Variants in UBR4 observed in about 807,000 individuals in gnomAD.
UBR4 encodes the protein ubiquitin protein ligase E3 component n-recognin 4, also known as E3 ubiquitin-protein ligase UBR4.
UBR4 carries 124 observed loss-of-function variants against 575.6 expected under a neutral mutation model. The observed-to-expected ratio is 0.22, with a 90% CI of 0.19 to 0.25. UBR4 has a LOEUF of 0.25. Among genes scored for constraint, UBR4 ranks in the 10% least tolerant of loss-of-function variants. The pLI, the probability that UBR4 is intolerant of heterozygous loss-of-function variation, is 1.00. For synonymous variants in UBR4, 2,455 were observed against 2,473.7 expected, an observed-to-expected ratio of 0.99 and a Z score of 0.22; for missense variants, 4,818 against 6,478.8, an observed-to-expected ratio of 0.74 and a Z score of 8.80.
rs78277961 is a variant in UBR4, at chr1:19,163,486, A to G, written c.4764+278T>C. Among the ~76,000 whole-genome samples the G allele has an allele frequency of 5.5e-3, 840 of 152,352 alleles. 8 individuals carry two copies. Among genetic ancestry groups the G allele is most frequent in the African/African-American group, 0.018 (743 of 41,576 alleles). On this transcript the variant is annotated intron_variant, in intron 34 of 105. Transcript: ENST00000375254. ...GAGCAGGGAGACAGTTTCCCATAAC[A>G]TTCCAATATCTTAGGATGGCAGGAA...
intron 81 of UBR4, among the ~76,000 whole-genome samples, chr1:19,109,838 A>G (rs781365984): frequency 2.0e-5 from 3 of 152,268 alleles, no homozygotes; most frequent in Admixed American, 6.5e-5. Flanking sequence ...GTTATCTAAC[A>G]TGACTGGAAA....
At chr1:19,102,900 A>G (rs2078789903) in intron 87 of UBR4, among the ~76,000 whole-genome samples, 1 of 152,206 alleles carries the variant, frequency 6.6e-6, no homozygotes, top group South Asian at 2.1e-4. Context: ...ATCAAGTGGC[A>G]GGGAAAAATC....
At position 19,095,533 on chromosome 1, in the gene UBR4, C is replaced by G. The variant is rs908281403; in HGVS notation, c.13626+12G>C. 4 of 1,612,858 alleles carry G rather than the reference C, an allele frequency of 2.5e-6. No homozygotes were observed. Among genetic ancestry groups the G allele is most frequent in the Non-Finnish European group, 3.4e-6 (4 of 1,179,436 alleles). ...GGCCCACTCTTCTTCACCTGCAGTC[C>G]ATGCTCCTTACCAGGTTTAGGGTCC... On this transcript the variant is annotated intron_variant, in intron 93 of 105. Coordinates refer to ENST00000375254, the MANE Select transcript of UBR4 (RefSeq NM_020765.3).
At chr1:19,149,324 G>T (rs991431379) in intron 49 of UBR4, among the ~76,000 whole-genome samples, 3 of 152,328 alleles carry the variant, frequency 2.0e-5, no homozygotes, top group African/African-American at 7.2e-5. Flanking sequence ...AGAAAGAAAA[G>T]TATTCAGAAG....
chr1:19,173,004 C>G lies in UBR4; in HGVS notation c.3381G>C (p.Ala1127=), dbSNP rs374365470. Residue 1127 remains alanine, a synonymous_variant, in exon 25 of 106, where the codon GCG becomes GCC. Coordinates refer to ENST00000375254, the MANE Select transcript of UBR4 (RefSeq NM_020765.3). ...CCAAAGAGACCTGGACCTTTGAGAT[C>G]GCGGCATCAAGGGTGTAGATGGACT... ...SLQSIYTLDA[A]ISKVQVSLDE... is the part of the protein sequence containing the mutation. 4 of 1,614,148 alleles carry G rather than the reference C, an allele frequency of 2.5e-6. No homozygotes were observed. Among genetic ancestry groups the G allele is most frequent in the Non-Finnish European group, 3.4e-6 (4 of 1,180,030 alleles).
chr1:19,122,731 C>A, intron 66 of UBR4, 102 bp downstream of exon 66: 1 of 1,302,760 alleles, frequency 7.7e-7, no homozygotes. Flanking sequence ...CCATTGTCAA[C>A]ACAGTTAAAA....
At position 19,115,577 on chromosome 1, in the gene UBR4, C is replaced by G. The variant is rs1472857170; in HGVS notation, c.10884G>C (p.Lys3628Asn). ...VQLTPGQTEV[K>N]IDLPLPIVAS... ...CCACAATGGGCAACGGCAGGTCAAT[C>G]TTCACCTCTGTCTGTCCAGGGGTCA... The change falls in exon 74 of 106, where the codon AAG becomes AAC. Residue 3628 changes from lysine (K) to asparagine (N), a missense_variant. Physicochemically the swap from Lys to Asn is moderately conservative, Grantham distance 94 (BLOSUM62 0). Coordinates refer to ENST00000375254, the MANE Select transcript of UBR4 (RefSeq NM_020765.3). The G allele has an allele frequency of 6.2e-7, 1 of 1,614,168 alleles. No individual in the cohort carries two copies. The highest frequency in any genetic ancestry group is 8.5e-7 in the Non-Finnish European group (1 of 1,180,016).
At chr1:19,082,191 C>T (rs1240475672) in intron 102 of UBR4, 4 of 198,988 alleles carry the variant, frequency 2.0e-5, no homozygotes, top group Admixed American at 5.2e-5. Context: ...TGTCCTCATG[C>T]GTCCTAAGTT....
chr1:19,093,303 G>A lies in UBR4; in HGVS notation c.14111+10C>T, dbSNP rs748389557. 1 of 1,611,764 alleles carries A rather than the reference G, an allele frequency of 6.2e-7. No individual in the cohort carries two copies. Among genetic ancestry groups the A allele is most frequent in the South Asian group, 1.1e-5 (1 of 90,884 alleles). ...AGGCAAAGCAGCCCCGCTGCGGGAG[G>A]GCTTCATACTTCTTGGCGCTAGGGA... On this transcript the variant is annotated intron_variant, in intron 96 of 105. Coordinates refer to ENST00000375254, the MANE Select transcript of UBR4 (RefSeq NM_020765.3). This position sits in a 1 kb window ranked among gnomAD's most constrained non-coding sequence, Gnocchi z 4.8.
chr1:19,174,602 A>G (rs2090017581), intron 21 of UBR4, among the ~76,000 whole-genome samples, 155 bp from the exon 22 acceptor site: 1 of 152,212 alleles, frequency 6.6e-6, no homozygotes, highest in Non-Finnish European at 1.5e-5. Flanking sequence ...CTGGGACATT[A>G]CTCACACTGT....
At chr1:19,207,666 G>C (rs1045254251) in intron 1 of UBR4, among the ~76,000 whole-genome samples, 1 of 151,986 alleles carries the variant, frequency 6.6e-6, no homozygotes, top group Non-Finnish European at 1.5e-5. Flanking sequence ...TTGAAAACCA[G>C]AATAATGATA....
Position 19,174,967 on chromosome 1 carries a change from C to T in UBR4, c.2840G>A (p.Arg947Gln), listed in dbSNP as rs1260417782. ...AATTCCTAGTACCACAGAATCAAGT[C>T]GGTTCAAATCATCCTCTGAGGCTTC... Reference protein sequence around the residue: ...SPEASEDDLNRLDSVACDVLF... With the variant: ...SPEASEDDLNQLDSVACDVLF... Residue 947 changes from arginine to glutamine, a missense_variant, in exon 21 of 106, where the codon CGA (arginine) becomes CAA (glutamine). Arg to Gln is a conservative substitution (Grantham distance 43). Around this residue, in one of 29 missense-constraint regions of UBR4, gnomAD observed 1,172 missense variants for 1,259.7 expected, o/e 0.93. Coordinates refer to ENST00000375254, the MANE Select transcript of UBR4 (RefSeq NM_020765.3). 7 of 1,613,812 alleles carry T rather than the reference C, an allele frequency of 4.3e-6. 1 individual carries two copies. In the East Asian group the frequency reaches 6.7e-5, roughly 15 times the overall value.
chr1:19,197,973 T>C lies in UBR4; in HGVS notation c.725A>G (p.Gln242Arg). Reference sequence around the variant, plus strand: ...AAGCTCTTGAAGACTAGCCACGTTCTGAGCTATGAACACATTCTTGGTTTT... The same window carrying C: ...AAGCTCTTGAAGACTAGCCACGTTCCGAGCTATGAACACATTCTTGGTTTT... ...AIKTKNVFIA[Q>R]NVASLQELGG... The change falls in exon 6 of 106, where the codon CAG (glutamine) becomes CGG (arginine). Residue 242 changes from glutamine (Q) to arginine (R), a missense_variant. Coordinates refer to ENST00000375254, the MANE Select transcript of UBR4 (RefSeq NM_020765.3). 6.2e-7 allele frequency: 1 copy of C among 1,614,218 alleles called. No individual in the cohort carries two copies. Among genetic ancestry groups the C allele is most frequent in the East Asian group, 2.2e-5 (1 of 44,892 alleles).
chr1:19,114,979 G>A (rs2080323599), intron 74 of UBR4, 30 bp from the exon 75 acceptor site: 3 of 1,613,724 alleles, frequency 1.9e-6, no homozygotes, highest in Middle Eastern at 1.6e-4. Flanking sequence ...GGGTCAGTAA[G>A]GTGACAAGGC....
rs761408064 is a variant in UBR4, at chr1:19,210,213, C to T, written c.36G>A (p.Ala12=). ...ATSGGEEAAA[A]APAPGTPATG... ...TTGCCGGGGTCCCCGGCGCCGGAGCCGCTGCCGCCGCCTCTTCGCCGCCGC... is the reference window on the plus strand; with the variant it reads ...TTGCCGGGGTCCCCGGCGCCGGAGCTGCTGCCGCCGCCTCTTCGCCGCCGC... The change falls in exon 1 of 106, where the codon GCG becomes GCA. Residue 12 remains alanine, a synonymous_variant. Transcript: ENST00000375254. 4.8e-6 allele frequency: 7 copies of T among 1,450,644 alleles called. No homozygotes were observed. In the South Asian group the frequency reaches 5.7e-5, roughly 12 times the overall value. The allele number at this position is 1,450,644 out of a possible 1,614,324, so 89.9% of individuals were successfully genotyped here. A position where few individuals can be genotyped will look rare whatever the true frequency, so the allele number is the denominator to read the frequency against.
At position 19,172,878 on chromosome 1, in the gene UBR4, A is replaced by G. The variant is rs138605456; in HGVS notation, c.3507T>C (p.Tyr1169=). ...GTTCGCCACACCTGGTGAACGATGC[A>G]TAGGTGTCAATGAGTTGCAGCGTGG... is the stretch of plus-strand genomic sequence containing the variant. ...LPATLQLIDT[Y]ASFTRAYLLQ... The change falls in exon 25 of 106, where the codon TAT becomes TAC. Residue 1169 remains tyrosine (Y), a synonymous_variant. Transcript: ENST00000375254. The G allele has an allele frequency of 1.2e-6, 2 of 1,614,208 alleles. No homozygotes were observed. The highest frequency in any genetic ancestry group is 1.3e-5 in the African/African-American group (1 of 75,056).
At position 19,097,179 on chromosome 1, in the gene UBR4, G is replaced by C; in HGVS notation, c.13390+14C>G. 6.2e-7 allele frequency: 1 copy of C among 1,606,306 alleles called. No individual in the cohort carries two copies. The highest frequency in any genetic ancestry group is 8.5e-7 in the Non-Finnish European group (1 of 1,177,046). ...TCCCAAGCCTCAGATCCAATGTGCA[G>C]TGCCATGATCTACCTGTAGTAGAGT... On this transcript the variant is annotated intron_variant, in intron 91 of 105. Coordinates refer to ENST00000375254, the MANE Select transcript of UBR4 (RefSeq NM_020765.3).
chr1:19,127,717 C>T lies in UBR4; in HGVS notation c.9134G>A (p.Arg3045His), dbSNP rs568050379. The T allele has an allele frequency of 5.6e-6, 9 of 1,613,978 alleles. No individual in the cohort carries two copies. In the South Asian group the frequency reaches 7.7e-5, roughly 14 times the overall value. Reference protein sequence around the residue: ...DKKDVSKKNERSALNEVHLVV... With the variant: ...DKKDVSKKNEHSALNEVHLVV... ...CAGATGGACTTCATTCAGGGCGCTGCGCTCATTCTTCTTGGAGACATCCTG... is the reference window on the plus strand; with the variant it reads ...CAGATGGACTTCATTCAGGGCGCTGTGCTCATTCTTCTTGGAGACATCCTG... Residue 3045 changes from arginine (R) to histidine (H), a missense_variant, in exon 63 of 106, where the codon CGC (arginine) becomes CAC (histidine). By Grantham distance (29) the Arg-to-His change is conservative (BLOSUM62 0). Transcript: ENST00000375254.
At chr1:19,082,985 C>T (rs1400456898) in intron 102 of UBR4, among the ~76,000 whole-genome samples, 1 of 152,174 alleles carries the variant, frequency 6.6e-6, no homozygotes, top group African/African-American at 2.4e-5. Context: ...AGAAGCAAGG[C>T]CTCTCTGTGA....
Sources: gnomAD v4.1 joint callset for allele counts (sites outside exome capture counted in the v4.1 genomes callset) on GRCh38, gnomAD v4.1.1 for gene constraint, gnomAD v4.1.1 regional missense constraint, Gnocchi (gnomAD v3.1) non-coding constraint, MANE v1.5 for transcripts, NCBI Gene and HGNC (gene_info 2026-07-23, HGNC 2026-07-21) for gene names.